KSR2: variants seen among roughly 807,000 people sequenced by gnomAD.
The protein encoded by KSR2 is kinase suppressor of ras 2.
In KSR2, 25 loss-of-function variants were observed where a neutral mutation model predicts 107.8. The observed-to-expected ratio is 0.23, with a 90% confidence interval of 0.17 to 0.32. The LOEUF is 0.32. KSR2 is among the 10% of genes least tolerant of loss of function. The pLI, the probability that KSR2 is intolerant of heterozygous loss-of-function variation, is 1.00. For missense variants in KSR2, 887 were observed against 1,268.9 expected (o/e 0.70, Z 4.57); for synonymous variants, 480 against 507.0 (o/e 0.95, Z 0.71).
At chr12:117,741,221 T>C (rs566928721) in intron 4 of KSR2, among the ~76,000 whole-genome samples, 52 of 152,178 alleles carry the variant, frequency 3.4e-4, no homozygotes, top group African/African-American at 1.2e-3. Flanking sequence ...GAGTCTACAC[T>C]GATACAAGTA....
chr12:117,911,203 A>ACTGAC (rs1338970296), intron 1 of KSR2, among the ~76,000 whole-genome samples: 31 of 148,142 alleles, frequency 2.1e-4, no homozygotes, highest in African/African-American at 7.6e-4. Flanking sequence ...CACACACTCA[A>ACTGAC]GAAACAAGAA....
Position 117,456,559 on chromosome 12 carries a change from G to A in KSR2, c.*10640C>T, listed in dbSNP as rs1023778461. The A allele has an allele frequency of 6.6e-6, 1 of 152,200 alleles. No individual in the cohort carries two copies. Among genetic ancestry groups the A allele is most frequent in the Non-Finnish European group, 1.5e-5 (1 of 68,038 alleles). The allele number at this position is 152,200 out of a possible 1,614,324, so 9.4% of individuals were successfully genotyped here. On this transcript the variant is annotated 3_prime_UTR_variant, in exon 20 of 20. Transcript: ENST00000339824. ...GCCCCAACCTGGGCAGGGCTGTGTT[G>A]GGGAGAGGTTGACCCCATCTAGGGC... is the stretch of plus-strand genomic sequence containing the variant.
intron 5 of KSR2, among the ~76,000 whole-genome samples, chr12:117,592,220 T>A (rs1288126724): frequency 6.6e-6 from 1 of 151,790 alleles, no homozygotes; most frequent in Non-Finnish European, 1.5e-5. Context: ...TTCTAGTGAT[T>A]CTTCTGCCTC....
intron 3 of KSR2, among the ~76,000 whole-genome samples, chr12:117,784,837 T>G (rs1281550913): frequency 6.6e-6 from 1 of 152,158 alleles, no homozygotes; most frequent in Non-Finnish European, 1.5e-5. Flanking sequence ...AATCTGTGTG[T>G]GAAATGCTGC....
In KSR2 at chr12:117,855,441, A is replaced by G; in HGVS notation, c.459T>C (p.Asn153=). The change falls in exon 3 of 20, where the codon AAT becomes AAC. Residue 153 remains asparagine (N), a synonymous_variant. Coordinates refer to ENST00000339824, the MANE Select transcript of KSR2 (RefSeq NM_173598.6). ...RLNASLSCLR[N]VHMSGGNLSK... ...GGGCCTGCTCACCTGACATGTGGAC[A>G]TTCCTGAGGCAGGAGAGGGAGGCGT... is the stretch of plus-strand genomic sequence containing the variant. 2.5e-6 allele frequency: 4 copies of G among 1,614,026 alleles called. No individual in the cohort carries two copies. The African/African-American group carries it at 4.0e-5, about 16-fold the overall frequency.
intron 3 of KSR2, among the ~76,000 whole-genome samples, chr12:117,818,932 A>G (rs1341459294): frequency 2.6e-5 from 4 of 152,188 alleles, no homozygotes; most frequent in African/African-American, 9.7e-5. Context: ...GAAGCATGAC[A>G]TGGAGGCCTT....
intron 14 of KSR2, among the ~76,000 whole-genome samples, chr12:117,487,871 G>A (rs1050768430): frequency 3.3e-5 from 5 of 152,074 alleles, no homozygotes; most frequent in East Asian, 1.9e-4. Flanking sequence ...AGAAACTACC[G>A]CACCAGTTTG....
chr12:117,856,058 C>A (rs1810811994), intron 2 of KSR2, among the ~76,000 whole-genome samples: 2 of 152,122 alleles, frequency 1.3e-5, no homozygotes, highest in South Asian at 4.1e-4. Context: ...TCTTCTCTGG[C>A]TGCAGGGTCT....
At chr12:117,895,886 T>A (rs1000597868) in intron 1 of KSR2, among the ~76,000 whole-genome samples, 6 of 152,232 alleles carry the variant, frequency 3.9e-5, no homozygotes, top group East Asian at 1.9e-4. Context: ...TGGTGAAACC[T>A]CATCTCTACT....
chr12:117,594,031 A>C (rs1371760652), intron 5 of KSR2, among the ~76,000 whole-genome samples: 1 of 152,202 alleles, frequency 6.6e-6, no homozygotes, highest in Non-Finnish European at 1.5e-5. Flanking sequence ...TACATCATCA[A>C]TTACTTACAT....
intron 3 of KSR2, among the ~76,000 whole-genome samples, chr12:117,783,918 G>A: frequency 6.6e-6 from 1 of 152,144 alleles, no homozygotes; most frequent in East Asian, 1.9e-4. Context: ...ATATGACACA[G>A]AAACAGCACA....
intron 3 of KSR2, among the ~76,000 whole-genome samples, chr12:117,792,579 A>G (rs894359033): frequency 6.6e-6 from 1 of 152,208 alleles, no homozygotes; most frequent in Non-Finnish European, 1.5e-5. Context: ...CACAAGGGCT[A>G]TTATTAGGAA....
At chr12:117,672,671 C>A (rs1884959939) in intron 4 of KSR2, among the ~76,000 whole-genome samples, 1 of 152,086 alleles carries the variant, frequency 6.6e-6, no homozygotes, top group Non-Finnish European at 1.5e-5. Flanking sequence ...GTCACCCAGG[C>A]TGGAGTGCAG....
chr12:117,513,894 T>C (rs554031122), intron 14 of KSR2, among the ~76,000 whole-genome samples: 59 of 152,334 alleles, frequency 3.9e-4, no homozygotes, highest in African/African-American at 1.3e-3. Context: ...TCTTTCATGA[T>C]CCCTTGAAGT....
chr12:117,833,544 G>A (rs1426623976), intron 3 of KSR2, among the ~76,000 whole-genome samples: 1 of 152,036 alleles, frequency 6.6e-6, no homozygotes, highest in East Asian at 1.9e-4. Context: ...TTTATTCTTT[G>A]TAGAGAAGTG....
chr12:117,483,329 A>G (rs1872276987), intron 16 of KSR2, among the ~76,000 whole-genome samples: 1 of 152,106 alleles, frequency 6.6e-6, no homozygotes, highest in African/African-American at 2.4e-5. Context: ...TATAACACAA[A>G]CAAGATTCAC....
chr12:117,851,869 C>T (rs1392727618), intron 3 of KSR2, among the ~76,000 whole-genome samples: 5 of 147,960 alleles, frequency 3.4e-5, no homozygotes, highest in South Asian at 2.2e-4. Flanking sequence ...GCAGCCTGGG[C>T]GACAGAGAGA....
In KSR2 at chr12:117,643,176, C is replaced by T. The variant is rs890040760; in HGVS notation, c.1171+24298G>A. Among the ~76,000 whole-genome samples the T allele has an allele frequency of 2.6e-5, 4 of 152,322 alleles. No individual in the cohort carries two copies. In the East Asian group the frequency reaches 5.8e-4, roughly 22 times the overall value. Reference sequence around the variant, plus strand: ...AAACCATCAGCCGGGCACGGTGACTCACACCTGTGGTCCCAGCATTTTAGG... The same window carrying T: ...AAACCATCAGCCGGGCACGGTGACTTACACCTGTGGTCCCAGCATTTTAGG... On this transcript the variant is annotated intron_variant, in intron 5 of 19. Coordinates refer to ENST00000339824, the MANE Select transcript of KSR2 (RefSeq NM_173598.6).
At chr12:117,590,802 T>G (rs1880272403) in intron 5 of KSR2, among the ~76,000 whole-genome samples, 1 of 152,140 alleles carries the variant, frequency 6.6e-6, no homozygotes, top group African/African-American at 2.4e-5. Flanking sequence ...AAACAAAAAA[T>G]AATTATTACC....
Sources: allele counts gnomAD v4.1 joint callset (sites outside exome capture counted in the v4.1 genomes callset), GRCh38; gene constraint gnomAD v4.1.1; transcripts MANE v1.5; gene names NCBI Gene and HGNC (gene_info 2026-07-23, HGNC 2026-07-21).